MEF2C: variants seen among roughly 807,000 people sequenced by gnomAD.
MEF2C encodes the protein myocyte enhancer factor 2C, also known as myocyte-specific enhancer factor 2C.
In MEF2C, 6 loss-of-function variants were observed where a neutral mutation model predicts 50.5. That is an observed-to-expected ratio of 0.12 (90% CI 0.07 to 0.23). The LOEUF is 0.23. MEF2C is among the 10% of genes least tolerant of loss of function. MEF2C has a pLI of 1.00. For synonymous variants in MEF2C, 183 were observed against 228.0 expected (o/e 0.80, Z 1.78); for missense variants, 276 against 605.0 (o/e 0.46, Z 5.70).
chr5:88,858,362 G>GCAAGACTCCATAGAGATT (rs1824247906), intron 1 of MEF2C, among the ~76,000 whole-genome samples: 1 of 152,118 alleles, frequency 6.6e-6, no homozygotes, highest in South Asian at 2.1e-4. Flanking sequence ...CCTTAAAGAA[G>GCAAGACTCCATAGAGATT]CAAGACTCCA....
intron 2 of MEF2C, among the ~76,000 whole-genome samples, chr5:88,806,923 G>C (rs956212340): frequency 6.6e-6 from 1 of 152,042 alleles, no homozygotes. Flanking sequence ...ACATGTGTGG[G>C]CACATGGTAA....
At chr5:88,782,443 G>T (rs1788566886) in intron 3 of MEF2C, among the ~76,000 whole-genome samples, 1 of 149,522 alleles carries the variant, frequency 6.7e-6, no homozygotes, top group African/African-American at 2.5e-5. Context: ...TGAAGCCTGG[G>T]CAATGGGCAT....
At chr5:88,733,638 T>C (rs911365499) in intron 6 of MEF2C, 2 of 985,378 alleles carry the variant, frequency 2.0e-6, no homozygotes, top group South Asian at 4.7e-5. Flanking sequence ...AGGCACACTG[T>C]ATAAAGCAGA....
At chr5:88,855,244 T>G (rs929944499) in intron 1 of MEF2C, among the ~76,000 whole-genome samples, 2 of 152,216 alleles carry the variant, frequency 1.3e-5, no homozygotes, top group African/African-American at 2.4e-5. Flanking sequence ...TTTAAATATA[T>G]ATCCATATTC....
chr5:88,783,737 T>A (rs931871391), intron 3 of MEF2C, among the ~76,000 whole-genome samples: 1 of 152,236 alleles, frequency 6.6e-6, no homozygotes, highest in Non-Finnish European at 1.5e-5. Flanking sequence ...TCCTCAACAC[T>A]GTGCTATGTT....
chr5:88,848,038 C>A (rs190237877), intron 1 of MEF2C, among the ~76,000 whole-genome samples: 32 of 152,298 alleles, frequency 2.1e-4, no homozygotes, highest in African/African-American at 7.5e-4. Flanking sequence ...CTTCATTCAG[C>A]ACGCTTACAA....
At chr5:88,734,516 GC>G in intron 6 of MEF2C, 3 of 981,922 alleles carry the variant, frequency 3.1e-6, no homozygotes, top group Non-Finnish European at 3.6e-6. Flanking sequence ...CAAGCACTGG[GC>G]CAGTGTGCGA....
At chr5:88,895,542 G>C (rs1835031397) in intron 1 of MEF2C, among the ~76,000 whole-genome samples, 1 of 152,028 alleles carries the variant, frequency 6.6e-6, no homozygotes, top group Non-Finnish European at 1.5e-5. Context: ...TGAATTAGTG[G>C]CTTCCTATTA....
chr5:88,895,193 A>C (rs1582036309), intron 1 of MEF2C, among the ~76,000 whole-genome samples: 2 of 152,320 alleles, frequency 1.3e-5, no homozygotes, highest in East Asian at 3.9e-4. Context: ...TGTCAGTTTC[A>C]TGCTTCCAAA....
At chr5:88,771,966 CT>C (rs1358190617) in intron 3 of MEF2C, 1 of 152,346 alleles carries the variant, frequency 6.6e-6, no homozygotes, top group Non-Finnish European at 1.5e-5. Context: ...GCATGATGGG[CT>C]TCCAAGCCAT....
intron 5 of MEF2C, 187 bp from the exon 6 acceptor site, chr5:88,749,304 C>G (rs890182194): frequency 1.4e-5 from 14 of 967,674 alleles, no homozygotes; most frequent in Non-Finnish European, 1.6e-5. Flanking sequence ...AAAATACATT[C>G]AATCACTGAC....
chr5:88,765,532 G>A (rs865849660), intron 3 of MEF2C, among the ~76,000 whole-genome samples: 3 of 152,208 alleles, frequency 2.0e-5, no homozygotes, highest in Non-Finnish European at 4.4e-5. Flanking sequence ...CTTTATCACA[G>A]TAATGAATAG....
At chr5:88,841,124 GA>G (rs1264414233) in intron 1 of MEF2C, among the ~76,000 whole-genome samples, 3 of 152,152 alleles carry the variant, frequency 2.0e-5, no homozygotes, top group African/African-American at 7.2e-5. Context: ...TTATCAGTGT[GA>G]TAGTTAACTC....
intron 4 of MEF2C, among the ~76,000 whole-genome samples, chr5:88,754,279 G>A (rs548480828): frequency 6.6e-6 from 1 of 152,300 alleles, no homozygotes; most frequent in Admixed American, 6.5e-5. Flanking sequence ...TTTTTGAGTT[G>A]TTCTCTCCTA....
chr5:88,742,285 T>C, intron 6 of MEF2C: 1 of 985,346 alleles, frequency 1.0e-6, no homozygotes, highest in Non-Finnish European at 1.2e-6. Context: ...CTTATCATGA[T>C]GCCAAAGATA....
At chr5:88,805,898 C>T (rs1161140326) in intron 2 of MEF2C, among the ~76,000 whole-genome samples, 1 of 115,688 alleles carries the variant, frequency 8.6e-6, no homozygotes, top group African/African-American at 3.3e-5. Context: ...TGTTTCCCAT[C>T]TACAGAATGA....
intron 3 of MEF2C, among the ~76,000 whole-genome samples, chr5:88,804,165 TG>T (rs1295394162): frequency 6.6e-6 from 1 of 152,154 alleles, no homozygotes; most frequent in Non-Finnish European, 1.5e-5. Context: ...AGTGTAAGGT[TG>T]GGGTGAGTTC....
intron 3 of MEF2C, among the ~76,000 whole-genome samples, chr5:88,794,991 C>G (rs935380227): frequency 6.6e-6 from 1 of 152,074 alleles, no homozygotes; most frequent in African/African-American, 2.4e-5. Flanking sequence ...TGTTCTGTTC[C>G]ATTGGTCTGT....
At chr5:88,763,148 A>G (rs1174752834) in intron 3 of MEF2C, among the ~76,000 whole-genome samples, 1 of 152,212 alleles carries the variant, frequency 6.6e-6, no homozygotes, top group East Asian at 1.9e-4. Flanking sequence ...ACAAATAAAC[A>G]TATGGTTACA....
Sources: gnomAD v4.1 joint callset for allele counts (sites outside exome capture counted in the v4.1 genomes callset) on GRCh38, gnomAD v4.1.1 for gene constraint, MANE v1.5 for transcripts, NCBI Gene and HGNC (gene_info 2026-07-23, HGNC 2026-07-21) for gene names.